Variants in FHIT observed in about 807,000 individuals in gnomAD.
FHIT encodes bis(5'-adenosyl)-triphosphatase.
In FHIT, 19 loss-of-function variants were observed where a neutral mutation model predicts 17.9. The ratio of observed to expected loss-of-function variants is 1.06; its 90% CI spans 0.74 to 1.56. The LOEUF (loss-of-function observed/expected upper bound fraction) is 1.56. Ranked by LOEUF, FHIT falls within the 40% of genes most tolerant of loss-of-function variation. The probability of loss-of-function intolerance (pLI) is 0.00; values close to 1 mark genes in which losing one functional copy is unlikely to be tolerated. For missense variants in FHIT, 248 were observed against 189.2 expected, an observed-to-expected ratio of 1.31 and a Z score of -1.82; for synonymous variants, 81 against 69.7, an observed-to-expected ratio of 1.16 and a Z score of -0.81.
At chr3:61,017,284 C>T (rs1559912616) in intron 3 of FHIT, among the ~76,000 whole-genome samples, 1 of 152,096 alleles carries the variant, frequency 6.6e-6, no homozygotes, top group African/African-American at 2.4e-5. Flanking sequence ...AGTGGAACTT[C>T]GTCTCAAAAT....
rs1367525423 is a variant in FHIT, at chr3:60,544,461, T to C, written c.-17-7482A>G. 4.6e-5 allele frequency among the ~76,000 whole-genome samples: 7 copies of C among 152,096 alleles called. No individual in the cohort carries two copies. In the East Asian group the frequency reaches 1.2e-3, roughly 25 times the overall value. On this transcript the variant is annotated intron_variant, in intron 4 of 9. Coordinates refer to ENST00000492590, the MANE Select transcript of FHIT (RefSeq NM_002012.4). ...CAAACTACATTAGCAAATTTAAAAA[T>C]AATAATTCACTATTCTTTCCCTATT...
chr3:61,055,417 C>G (rs2034182128), intron 2 of FHIT, among the ~76,000 whole-genome samples: 1 of 152,102 alleles, frequency 6.6e-6, no homozygotes, highest in African/African-American at 2.4e-5. Flanking sequence ...TTTAATTTCT[C>G]CTACTGTAGT....
intron 2 of FHIT, among the ~76,000 whole-genome samples, chr3:61,051,734 G>A (rs1010352244): frequency 1.3e-5 from 2 of 152,208 alleles, no homozygotes; most frequent in African/African-American, 4.8e-5. Flanking sequence ...GCAAAGAGAT[G>A]TGGGGAGTCT....
intron 5 of FHIT, among the ~76,000 whole-genome samples, chr3:60,211,030 A>G (rs213325): frequency 0.22 from 32,236 of 148,586 alleles, 3,813 homozygotes; most frequent in Middle Eastern, 0.28. Context: ...TGAGAAAAAA[A>G]CATGGTACAT....
At chr3:60,649,691 G>C (rs782435890) in intron 4 of FHIT, among the ~76,000 whole-genome samples, 25 of 152,062 alleles carry the variant, frequency 1.6e-4, no homozygotes, top group Non-Finnish European at 2.4e-4. Context: ...TATTAATCAA[G>C]CTTATTGCTG....
chr3:61,007,595 T>C (rs187612115), intron 3 of FHIT, among the ~76,000 whole-genome samples: 70 of 152,312 alleles, frequency 4.6e-4, no homozygotes, highest in Non-Finnish European at 5.9e-5. Context: ...CAGGAGTCAA[T>C]AGTTACAATG....
intron 7 of FHIT, among the ~76,000 whole-genome samples, chr3:59,960,241 G>C (rs1388503771): frequency 1.3e-5 from 2 of 152,202 alleles, no homozygotes; most frequent in Non-Finnish European, 2.9e-5. Context: ...AGGTCACTTA[G>C]TTCAGATCAG....
chr3:61,128,517 C>T (rs115608751), intron 2 of FHIT, among the ~76,000 whole-genome samples: 2,568 of 152,154 alleles, frequency 0.017, 41 homozygotes, highest in South Asian at 0.035. Context: ...AATGCGCTTC[C>T]GTCAGCTACA....
intron 4 of FHIT, among the ~76,000 whole-genome samples, chr3:60,553,573 C>A (rs1576866792): frequency 7.1e-6 from 1 of 141,156 alleles, no homozygotes; most frequent in African/African-American, 2.6e-5. Flanking sequence ...TCCTGAAGTT[C>A]TTCTCATCTA....
intron 5 of FHIT, among the ~76,000 whole-genome samples, chr3:60,088,046 T>G (rs917244443): frequency 1.3e-5 from 2 of 152,160 alleles, no homozygotes; most frequent in Non-Finnish European, 2.9e-5. Flanking sequence ...CCCTGGCTGC[T>G]TACACTCATG....
chr3:61,028,115 T>C (rs1470013544), intron 3 of FHIT, among the ~76,000 whole-genome samples: 1 of 152,200 alleles, frequency 6.6e-6, no homozygotes, highest in Non-Finnish European at 1.5e-5. Context: ...GCTACCAAAT[T>C]AGATCATTGT....
intron 4 of FHIT, among the ~76,000 whole-genome samples, chr3:60,645,238 G>A (rs1337792253): frequency 6.6e-6 from 1 of 152,102 alleles, no homozygotes; most frequent in Non-Finnish European, 1.5e-5. Flanking sequence ...CACATCTCAT[G>A]CCTTGACAAA....
intron 5 of FHIT, among the ~76,000 whole-genome samples, chr3:60,517,774 C>T (rs1372629308): frequency 6.6e-6 from 1 of 152,120 alleles, no homozygotes; most frequent in African/African-American, 2.4e-5. Context: ...TACCCCTATG[C>T]AGGAAACATG....
chr3:60,713,724 C>G (rs1220102623), intron 4 of FHIT, among the ~76,000 whole-genome samples: 2 of 152,138 alleles, frequency 1.3e-5, no homozygotes, highest in African/African-American at 4.8e-5. Context: ...CAAGACTAAA[C>G]GAAACGAGGA....
At chr3:60,508,605 G>A (rs1431031964) in intron 5 of FHIT, among the ~76,000 whole-genome samples, 3 of 151,996 alleles carry the variant, frequency 2.0e-5, no homozygotes, top group African/African-American at 7.2e-5. Context: ...CATCTTTTTG[G>A]AAAAGGTGAA....
Position 60,626,644 on chromosome 3 carries a change from A to G in FHIT, c.-17-89665T>C, listed in dbSNP as rs372552537. Among the ~76,000 whole-genome samples the G allele has an allele frequency of 5.3e-5, 8 of 152,194 alleles. No individual in the cohort carries two copies. The East Asian group carries it at 1.4e-3, about 26-fold the overall frequency. ...TATATATAAGATTATGCCATTTATAATAAAGTTTTTCTTCTTTTCAAATAT... is the reference window on the plus strand; with the variant it reads ...TATATATAAGATTATGCCATTTATAGTAAAGTTTTTCTTCTTTTCAAATAT... On this transcript the variant is annotated intron_variant, in intron 4 of 9. Coordinates refer to ENST00000492590, the MANE Select transcript of FHIT (RefSeq NM_002012.4).
intron 5 of FHIT, among the ~76,000 whole-genome samples, chr3:60,306,071 T>C (rs1431754439): frequency 1.3e-5 from 2 of 152,166 alleles, no homozygotes; most frequent in African/African-American, 4.8e-5. Context: ...TTTCTAAAGC[T>C]AGCCTACATG....
In FHIT at chr3:59,882,604, G is replaced by T. The variant is rs775252676; in HGVS notation, c.348+39742C>A. 2.5e-4 allele frequency among the ~76,000 whole-genome samples: 38 copies of T among 152,128 alleles called. 1 individual carries two copies. Among genetic ancestry groups the T allele is most frequent in the Middle Eastern group, 3.2e-3 (1 of 316 alleles). On this transcript the variant is annotated intron_variant, in intron 8 of 9. Transcript: ENST00000492590. ...AGCAAATGTTTTAAGGAGAAGTCTG[G>T]CAAGGAAAGTAGGTGGAGGTACAGA...
At chr3:60,495,189 G>C (rs551976398) in intron 5 of FHIT, among the ~76,000 whole-genome samples, 5 of 151,798 alleles carry the variant, frequency 3.3e-5, no homozygotes, top group South Asian at 4.1e-4. Flanking sequence ...ATGATATCTC[G>C]TTGTAGTTCT....
Sources: allele counts gnomAD v4.1 joint callset (sites outside exome capture counted in the v4.1 genomes callset), GRCh38; gene constraint gnomAD v4.1.1; transcripts MANE v1.5; gene names NCBI Gene and HGNC (gene_info 2026-07-23, HGNC 2026-07-21).